The following RANBP2 variants were observed in gnomAD, a reference collection of about 807,000 sequenced individuals.
The protein encoded by RANBP2 is RAN binding protein 2.
In RANBP2, 57 loss-of-function variants were observed where a neutral mutation model predicts 303.6. The observed-to-expected ratio is 0.19, with a 90% CI of 0.15 to 0.23. The LOEUF (loss-of-function observed/expected upper bound fraction) is 0.23, where lower values mean the gene tolerates loss of function less well. Ranked by LOEUF, RANBP2 falls within the 10% of genes least tolerant of loss-of-function variation. The probability of loss-of-function intolerance (pLI) is 1.00; values close to 1 mark genes in which losing one functional copy is unlikely to be tolerated. For missense variants in RANBP2, 3,138 were observed against 3,780.8 expected, an observed-to-expected ratio of 0.83 and a Z score of 4.46; for synonymous variants, 1,167 against 1,301.5, an observed-to-expected ratio of 0.90 and a Z score of 2.23.
chr2:109,436,630 G>T, the RANBP2 span, among the ~76,000 whole-genome samples: 2 of 152,238 alleles, frequency 1.3e-5, no homozygotes, highest in Admixed American at 1.3e-4. Flanking sequence ...TGGTATAAAA[G>T]ATTTCGTTCA....
At chr2:109,314,350 A>G in the RANBP2 span, among the ~76,000 whole-genome samples, 1 of 152,164 alleles carries the variant, frequency 6.6e-6, no homozygotes, top group Non-Finnish European at 1.5e-5. Flanking sequence ...GGTTCCAGAA[A>G]ATGGCTCCGT....
chr2:109,565,645 C>T, the RANBP2 span: 3 of 888,738 alleles, frequency 3.4e-6, no homozygotes, highest in Non-Finnish European at 3.7e-6. Flanking sequence ...TAGTACACAG[C>T]CAATTCCTCT....
At chr2:109,021,586 C>T in the RANBP2 span, among the ~76,000 whole-genome samples, 27 of 149,854 alleles carry the variant, frequency 1.8e-4, no homozygotes, top group African/African-American at 6.4e-4. Context: ...TTCTGACATG[C>T]GATAGTTCTC....
chr2:108,946,867 T>C, the RANBP2 span, among the ~76,000 whole-genome samples: 2 of 150,808 alleles, frequency 1.3e-5, no homozygotes, highest in Admixed American at 1.3e-4. Flanking sequence ...CCAAACCTTA[T>C]TCCGCCCCTG....
the RANBP2 span, among the ~76,000 whole-genome samples, chr2:109,340,220 T>C: frequency 6.6e-6 from 1 of 152,188 alleles, no homozygotes; most frequent in Admixed American, 6.5e-5. Context: ...GACAAGTTAC[T>C]GGACCTCACT....
chr2:109,218,853 A>T, the RANBP2 span, among the ~76,000 whole-genome samples: 1 of 152,374 alleles, frequency 6.6e-6, no homozygotes, highest in Non-Finnish European at 1.5e-5. Flanking sequence ...ACACAAACAC[A>T]CAAACCCACA....
At chr2:108,725,492 T>C (rs1278146917) in intron 1 of RANBP2, among the ~76,000 whole-genome samples, 1 of 152,240 alleles carries the variant, frequency 6.6e-6, no homozygotes, top group East Asian at 1.9e-4. Flanking sequence ...CTGGGCTCAA[T>C]GGCTGACGCC....
chr2:109,458,572 C>CAGAGGGAGAGAG, the RANBP2 span, among the ~76,000 whole-genome samples: 1 of 122,978 alleles, frequency 8.1e-6, no homozygotes, highest in Non-Finnish European at 1.8e-5. Context: ...CAGCAGGAGA[C>CAGAGGGAGAGAG]AGAGAGAGAG....
At chr2:108,803,116 G>T in the RANBP2 span, among the ~76,000 whole-genome samples, 2 of 152,212 alleles carry the variant, frequency 1.3e-5, no homozygotes, top group African/African-American at 4.8e-5. Context: ...GCTGCTCTGG[G>T]TGTTTTTTGT....
chr2:109,593,164 T>A, the RANBP2 span: 1 of 1,288,420 alleles, frequency 7.8e-7, no homozygotes, highest in African/African-American at 1.5e-5. Flanking sequence ...GAAACATTAC[T>A]CCCCAAACCC....
the RANBP2 span, chr2:109,616,222 T>A: frequency 4.9e-6 from 6 of 1,232,570 alleles, no homozygotes; most frequent in East Asian, 1.2e-4. Context: ...AGGCTAGCCT[T>A]CTGGGAAAAG....
chr2:109,249,577 TTCCTTC>T, the RANBP2 span, among the ~76,000 whole-genome samples: 5,165 of 132,698 alleles, frequency 0.039, 271 homozygotes, highest in Middle Eastern at 0.051. Context: ...CCTTCCTTCC[TTCCTTC>T]CTTTCCTTTC....
chr2:109,706,459 G>T, the RANBP2 span, among the ~76,000 whole-genome samples: 285 of 152,266 alleles, frequency 1.9e-3, 3 homozygotes, highest in South Asian at 0.02. Flanking sequence ...ATGTGGCTAC[G>T]TCCTTACCTC....
chr2:109,533,718 G>A, the RANBP2 span, among the ~76,000 whole-genome samples: 1 of 152,208 alleles, frequency 6.6e-6, no homozygotes, highest in African/African-American at 2.4e-5. Flanking sequence ...CCCATGTCAA[G>A]CGTAATTTCT....
downstream of RANBP2, chr2:108,788,723 GA>G (rs751655054): frequency 6.0e-5 from 76 of 1,277,236 alleles, no homozygotes; most frequent in South Asian, 2.4e-4. Context: ...CCGTCTCAAA[GA>G]AAAAAAAAGA....
the RANBP2 span, among the ~76,000 whole-genome samples, chr2:109,350,067 C>T: frequency 5.3e-5 from 8 of 152,298 alleles, no homozygotes; most frequent in Middle Eastern, 6.8e-3. Context: ...AGGGGCAGGC[C>T]GGGCATTTAG....
At chr2:109,462,036 T>C in the RANBP2 span, among the ~76,000 whole-genome samples, 1 of 151,922 alleles carries the variant, frequency 6.6e-6, no homozygotes, top group African/African-American at 2.4e-5. Flanking sequence ...CCCCTAGAAA[T>C]TTCACTGAGG....
intron 25 of RANBP2, among the ~76,000 whole-genome samples, chr2:108,780,877 T>C (rs1409907655): frequency 6.6e-6 from 1 of 152,102 alleles, no homozygotes; most frequent in East Asian, 1.9e-4. Context: ...GCCTGGTTAA[T>C]TTTGTATTTT....
At chr2:108,902,207 CAAA>C in the RANBP2 span, among the ~76,000 whole-genome samples, 2 of 82,570 alleles carry the variant, frequency 2.4e-5, no homozygotes, top group South Asian at 4.3e-4. Flanking sequence ...GACTCCGTCT[CAAA>C]AAAAAAAAAA....
Sources: gnomAD v4.1 joint callset for allele counts (sites outside exome capture counted in the v4.1 genomes callset) on GRCh38, gnomAD v4.1.1 for gene constraint, MANE v1.5 for transcripts, NCBI Gene and HGNC (gene_info 2026-07-23, HGNC 2026-07-21) for gene names.